Variants in TMEM132E observed in about 807,000 individuals in gnomAD.
TMEM132E encodes the protein transmembrane protein 132E.
In TMEM132E, 49 loss-of-function variants were observed where a neutral mutation model predicts 78.5. That is an observed-to-expected ratio of 0.62 (90% CI 0.50 to 0.79). The LOEUF is 0.79. Among genes scored for constraint, TMEM132E ranks in the 30% least tolerant of loss-of-function variants. The pLI, the probability that TMEM132E is intolerant of heterozygous loss-of-function variation, is 0.00. For missense variants in TMEM132E, 1,403 were observed against 1,470.9 expected, an observed-to-expected ratio of 0.95 and a Z score of 0.75; for synonymous variants, 715 against 670.6, an observed-to-expected ratio of 1.07 and a Z score of -1.02.
At chr17:34,633,618 G>C (rs1230264923) in intron 6 of TMEM132E, among the ~76,000 whole-genome samples, 12 of 152,248 alleles carry the variant, frequency 7.9e-5, no homozygotes, top group Admixed American at 4.6e-4. Flanking sequence ...AGAGCAGGAG[G>C]TGGGCGGGGC....
At chr17:34,611,963 C>G (rs1373587939) in intron 1 of TMEM132E, among the ~76,000 whole-genome samples, 2 of 152,128 alleles carry the variant, frequency 1.3e-5, no homozygotes, top group Non-Finnish European at 2.9e-5. Context: ...TCCCAGTTGG[C>G]CTGGGACCGA....
At chr17:34,582,867 A>G (rs1223821045) in intron 1 of TMEM132E, among the ~76,000 whole-genome samples, 1 of 152,112 alleles carries the variant, frequency 6.6e-6, no homozygotes, top group Non-Finnish European at 1.5e-5. Context: ...CCCTTCCCAA[A>G]GCCCAACCAT....
chr17:34,635,029 C>G lies in TMEM132E; in HGVS notation c.1919C>G (p.Ala640Gly). ...DFMRVGDPRVAHMVDSSTLAG... is the reference protein window; with the variant it reads ...DFMRVGDPRVGHMVDSSTLAG... ...ATGCGGGTGGGCGATCCCCGAGTGG[C>G]ACACATGGTGGACAGCAGCACGCTG... Residue 640 changes from alanine to glycine, a missense_variant, in exon 7 of 9, where the codon GCA (alanine) becomes GGA (glycine). By Grantham distance (60) the Ala-to-Gly change is moderately conservative (BLOSUM62 0). This residue lies in a region of TMEM132E where 888 missense variants were observed against 952.8 expected (regional missense o/e 0.93). Transcript: ENST00000631683. 6.2e-7 allele frequency: 1 copy of G among 1,614,096 alleles called. No homozygotes were observed. The highest frequency in any genetic ancestry group is 8.5e-7 in the Non-Finnish European group (1 of 1,180,018).
intron 1 of TMEM132E, among the ~76,000 whole-genome samples, chr17:34,616,120 C>G (rs1000055974): frequency 2.6e-5 from 4 of 152,024 alleles, no homozygotes; most frequent in Admixed American, 2.0e-4. Flanking sequence ...CGGGAGGGAC[C>G]CTGATATCCC....
intron 1 of TMEM132E, among the ~76,000 whole-genome samples, chr17:34,595,724 G>A (rs1170195788): frequency 3.3e-5 from 5 of 152,208 alleles, no homozygotes; most frequent in Non-Finnish European, 7.3e-5. Context: ...CAGGCCAGTG[G>A]TCTCCTTCTT....
intron 1 of TMEM132E, among the ~76,000 whole-genome samples, chr17:34,619,741 G>A (rs1418567171): frequency 6.6e-6 from 1 of 152,212 alleles, no homozygotes; most frequent in African/African-American, 2.4e-5. Context: ...TGGAAATTCT[G>A]ACTGTATAAG....
intron 1 of TMEM132E, among the ~76,000 whole-genome samples, chr17:34,585,996 G>A (rs1386651542): frequency 6.6e-6 from 1 of 152,036 alleles, no homozygotes; most frequent in Non-Finnish European, 1.5e-5. Context: ...TACTTCTCTG[G>A]GTCTTGTTTT....
Position 34,637,124 on chromosome 17 carries a change from G to C in TMEM132E, c.2170-53G>C, listed in dbSNP as rs1597694404. ...TACAGAGCCCAGGATCTAGCAGGAAGCCAGCTGAACCAGCTCTTTGACTCC... is the reference window on the plus strand; with the variant it reads ...TACAGAGCCCAGGATCTAGCAGGAACCCAGCTGAACCAGCTCTTTGACTCC... On this transcript the variant is annotated intron_variant, in intron 8 of 8. Transcript: ENST00000631683. 3 of 1,507,642 alleles carry C rather than the reference G, an allele frequency of 2.0e-6. No individual in the cohort carries two copies. The East Asian group carries it at 6.8e-5, about 34-fold the overall frequency. The allele number at this position is 1,507,642 out of a possible 1,614,324, so 93.4% of individuals were successfully genotyped here.
At chr17:34,605,515 C>T (rs887592292) in intron 1 of TMEM132E, among the ~76,000 whole-genome samples, 1 of 152,150 alleles carries the variant, frequency 6.6e-6, no homozygotes, top group African/African-American at 2.4e-5. Flanking sequence ...GGGCTGAACA[C>T]AGACAGGGAA....
chr17:34,581,068 G>C lies in TMEM132E; in HGVS notation c.-9G>C. 6.5e-7 allele frequency: 1 copy of C among 1,546,216 alleles called. No individual in the cohort carries two copies. The highest frequency in any genetic ancestry group is 8.7e-7 in the Non-Finnish European group (1 of 1,153,004). ...GCTCTCTCGGACCCCTCCCGCCCCCGCCTCGGCCATGGCCCCGGGGATGTC... is the reference window on the plus strand; with the variant it reads ...GCTCTCTCGGACCCCTCCCGCCCCCCCCTCGGCCATGGCCCCGGGGATGTC... On this transcript the variant is annotated 5_prime_UTR_variant, in exon 1 of 9. Coordinates refer to ENST00000631683, the MANE Select transcript of TMEM132E (RefSeq NM_001304438.2).
At chr17:34,589,556 C>T (rs576391841) in intron 1 of TMEM132E, among the ~76,000 whole-genome samples, 6 of 152,312 alleles carry the variant, frequency 3.9e-5, no homozygotes, top group Non-Finnish European at 5.9e-5. Flanking sequence ...TCTGATCTTA[C>T]ACCACTCTGA....
chr17:34,637,236 C>G lies in TMEM132E; in HGVS notation c.2229C>G (p.Leu743=), dbSNP rs1156643670. The stretch of plus-strand genomic sequence containing the variant: ...ATGGCACCACAGCCCCACTCTCCCT[C>G]TACAGCCCACGAGACTATGGACTGC... ...YSDGTTAPLS[L]YSPRDYGLLV... Residue 743 remains leucine (L), a synonymous_variant, in exon 9 of 9, where the codon CTC becomes CTG. Coordinates refer to ENST00000631683, the MANE Select transcript of TMEM132E (RefSeq NM_001304438.2). 6.2e-7 allele frequency: 1 copy of G among 1,613,646 alleles called. No homozygotes were observed. The highest frequency in any genetic ancestry group is 1.3e-5 in the African/African-American group (1 of 74,948).
At chr17:34,630,453 TTCCTGTAG>T (rs1907316173) in intron 5 of TMEM132E, among the ~76,000 whole-genome samples, 1 of 152,184 alleles carries the variant, frequency 6.6e-6, no homozygotes, top group African/African-American at 2.4e-5. Flanking sequence ...CCTGGAGGGC[TTCCTGTAG>T]GAATATGAAA....
Position 34,580,920 on chromosome 17 carries a change from C to A in TMEM132E, c.-157C>A, listed in dbSNP as rs1056799586. On this transcript the variant is annotated 5_prime_UTR_variant, in exon 1 of 9. Coordinates refer to ENST00000631683, the MANE Select transcript of TMEM132E (RefSeq NM_001304438.2). ...GCCAGCGCCTGGGACGCCCCCTCCC[C>A]GCAAAGTGTCCCCGAATTGCACTCT... 2.8e-5 allele frequency: 14 copies of A among 502,930 alleles called. No individual in the cohort carries two copies. The highest frequency in any genetic ancestry group is 4.4e-5 in the Non-Finnish European group (13 of 292,178). 31.2% of individuals were successfully genotyped at this position (502,930 alleles called of 1,614,324 possible).
intron 1 of TMEM132E, among the ~76,000 whole-genome samples, chr17:34,592,455 G>T (rs1260704502): frequency 6.6e-6 from 1 of 152,200 alleles, no homozygotes; most frequent in Admixed American, 6.5e-5. Context: ...CAGGTCTAGG[G>T]TTATAGGGAG....
intron 1 of TMEM132E, among the ~76,000 whole-genome samples, chr17:34,603,840 G>A (rs1485896637): frequency 6.6e-6 from 1 of 152,136 alleles, no homozygotes; most frequent in Non-Finnish European, 1.5e-5. Flanking sequence ...CTGACCACTC[G>A]TCCACCATCT....
intron 1 of TMEM132E, among the ~76,000 whole-genome samples, chr17:34,582,483 T>G (rs1048225624): frequency 1.4e-5 from 2 of 148,082 alleles, no homozygotes; most frequent in Non-Finnish European, 3.0e-5. Context: ...CCTCTATGGG[T>G]GGCTTGGTTA....
intron 1 of TMEM132E, among the ~76,000 whole-genome samples, chr17:34,603,595 C>T (rs750376270): frequency 3.9e-5 from 6 of 152,186 alleles, no homozygotes; most frequent in African/African-American, 9.7e-5. Flanking sequence ...TGTCAGGCAG[C>T]GATGCTGAGT....
intron 1 of TMEM132E, among the ~76,000 whole-genome samples, chr17:34,622,276 C>G (rs1906985932): frequency 6.6e-6 from 1 of 152,184 alleles, no homozygotes; most frequent in South Asian, 2.1e-4. Context: ...AGAGATCAAG[C>G]AGGTTCCTTT....
Sources: allele counts gnomAD v4.1 joint callset (sites outside exome capture counted in the v4.1 genomes callset), GRCh38; gene constraint gnomAD v4.1.1; regional missense constraint gnomAD v4.1.1; transcripts MANE v1.5; gene names NCBI Gene and HGNC (gene_info 2026-07-23, HGNC 2026-07-21).